BSN: variants seen among roughly 807,000 people sequenced by gnomAD.
The protein encoded by BSN is bassoon presynaptic cytomatrix protein.
A neutral mutation model predicts 264.8 loss-of-function variants in BSN; 57 were observed. The observed-to-expected ratio is 0.22, with a 90% CI of 0.17 to 0.27. The LOEUF (loss-of-function observed/expected upper bound fraction) is 0.27. Ranked by LOEUF, BSN falls within the 10% of genes least tolerant of loss-of-function variation. BSN has a pLI of 1.00. For synonymous variants in BSN, 2,059 were observed against 2,137.3 expected (o/e 0.96, Z 1.01); for missense variants, 4,615 against 5,232.5 (o/e 0.88, Z 3.64).
chr3:49,658,755 C>T (rs1229337106), intron 5 of BSN, among the ~76,000 whole-genome samples: 2 of 152,130 alleles, frequency 1.3e-5, no homozygotes, highest in Admixed American at 6.5e-5. Flanking sequence ...ACCTGGCCCT[C>T]GGTAAATCTG....
At position 49,652,506 on chromosome 3, in the gene BSN, C is replaced by T. The variant is rs1215279402; in HGVS notation, c.2950C>T (p.Pro984Ser). 5 of 1,613,786 alleles carry T rather than the reference C, an allele frequency of 3.1e-6. No individual in the cohort carries two copies. Among genetic ancestry groups the T allele is most frequent in the Non-Finnish European group, 4.2e-6 (5 of 1,180,014 alleles). The change falls in exon 5 of 12, where the codon CCT becomes TCT. Residue 984 changes from proline (P) to serine (S), a missense_variant. Transcript: ENST00000296452. ...RSRGEHSSTL[P>S]ASTPSYTSGT... Reference sequence around the variant, plus strand: ...CCGTGGTGAGCACTCCTCTACATTGCCTGCCTCCACACCCAGCTACACCTC... The same window carrying T: ...CCGTGGTGAGCACTCCTCTACATTGTCTGCCTCCACACCCAGCTACACCTC...
chr3:49,587,426 A>C (rs2051945063), intron 1 of BSN, among the ~76,000 whole-genome samples: 1 of 152,156 alleles, frequency 6.6e-6, no homozygotes, highest in South Asian at 2.1e-4. Flanking sequence ...GATTGGACTT[A>C]AGTACTGTTG....
rs769556907 is a variant in BSN, at chr3:49,654,706, A to G, written c.5150A>G (p.Asn1717Ser). The G allele has an allele frequency of 6.2e-7, 1 of 1,613,554 alleles. No individual in the cohort carries two copies. The highest frequency in any genetic ancestry group is 1.7e-5 in the Admixed American group (1 of 60,022). ...QSTAVQPLVI[N>S]LNAQEHTFLA... ...ACCGCCGTGCAGCCCTTGGTTATCA[A>G]CCTCAATGCCCAGGAGCATACCTTC... Residue 1717 changes from asparagine to serine, a missense_variant, in exon 5 of 12, where the codon AAC (asparagine) becomes AGC (serine). Asn to Ser is a conservative substitution (Grantham distance 46). Around this residue, in one of 3 missense-constraint regions of BSN, gnomAD observed 3,415 missense variants for 3,866.4 expected, o/e 0.88. Transcript: ENST00000296452. This position sits in a 1 kb window ranked among gnomAD's most constrained non-coding sequence, Gnocchi z 4.1.
intron 1 of BSN, among the ~76,000 whole-genome samples, chr3:49,609,210 A>G (rs1040999527): frequency 6.8e-6 from 1 of 147,390 alleles, no homozygotes; most frequent in African/African-American, 2.5e-5. Context: ...CAAGGGATCC[A>G]TTTGCCTCAG....
chr3:49,564,384 A>C (rs916227384), intron 1 of BSN, among the ~76,000 whole-genome samples: 3 of 152,208 alleles, frequency 2.0e-5, no homozygotes, highest in Non-Finnish European at 4.4e-5. Context: ...GGAGGCCTGC[A>C]TGAGTCTCTG....
At chr3:49,603,397 C>T (rs1454035642) in intron 1 of BSN, among the ~76,000 whole-genome samples, 1 of 152,166 alleles carries the variant, frequency 6.6e-6, no homozygotes, top group Non-Finnish European at 1.5e-5. Flanking sequence ...TTCTTTGGTT[C>T]CTGACTTCTT....
At chr3:49,574,241 T>C (rs1018375454) in intron 1 of BSN, among the ~76,000 whole-genome samples, 3 of 150,524 alleles carry the variant, frequency 2.0e-5, no homozygotes, top group African/African-American at 7.3e-5. Flanking sequence ...GTTTTGGGAT[T>C]ATAGGCGTGA....
intron 1 of BSN, among the ~76,000 whole-genome samples, chr3:49,606,700 C>T (rs983050378): frequency 6.6e-6 from 1 of 152,080 alleles, no homozygotes; most frequent in African/African-American, 2.4e-5. Context: ...GTATTTGGAT[C>T]TGTATTCACA....
intron 1 of BSN, among the ~76,000 whole-genome samples, chr3:49,620,933 T>G (rs2052300720): frequency 6.6e-6 from 1 of 151,650 alleles, no homozygotes. Flanking sequence ...AGAAGGAGAC[T>G]CACACACACA....
chr3:49,657,491 C>G lies in BSN; in HGVS notation c.7935C>G (p.His2645Gln). The change falls in exon 5 of 12, where the codon CAC (histidine) becomes CAG (glutamine). Residue 2645 changes from histidine to glutamine, a missense_variant. By Grantham distance (24) the His-to-Gln change is conservative. This residue lies in a region of BSN where 3,415 missense variants were observed against 3,866.4 expected (regional missense o/e 0.88). Transcript: ENST00000296452. ...CAGACTCAGGCTCTGACAGCAAGCA[C>G]GATGCCACTGCCTCATCATCCAGTG... ...RHSDSGSDSKHDATASSSSAA... is the reference protein window; with the variant it reads ...RHSDSGSDSKQDATASSSSAA... 2 of 1,613,190 alleles carry G rather than the reference C, an allele frequency of 1.2e-6. No individual in the cohort carries two copies. The highest frequency in any genetic ancestry group is 1.7e-6 in the Non-Finnish European group (2 of 1,179,982).
At chr3:49,605,929 ATCT>A (rs200652144) in intron 1 of BSN, among the ~76,000 whole-genome samples, 43,995 of 70,664 alleles carry the variant, frequency 0.62, 12,212 homozygotes, top group East Asian at 0.94. Flanking sequence ...TAGATATAAA[ATCT>A]ATTTATATAT....
chr3:49,574,768 C>T (rs560544688), intron 1 of BSN, among the ~76,000 whole-genome samples: 1 of 150,878 alleles, frequency 6.6e-6, no homozygotes, highest in Non-Finnish European at 1.5e-5. Flanking sequence ...GTAGCTGGGA[C>T]TACAGGCGTG....
At chr3:49,578,378 A>C (rs1388115926) in intron 1 of BSN, among the ~76,000 whole-genome samples, 1 of 150,746 alleles carries the variant, frequency 6.6e-6, no homozygotes, top group African/African-American at 2.4e-5. Context: ...AATGGTTTTT[A>C]GTGCACTTAG....
Position 49,670,518 on chromosome 3 carries a change from G to C in BSN, c.*3033G>C, listed in dbSNP as rs2052747312. On this transcript the variant is annotated 3_prime_UTR_variant, in exon 12 of 12. Transcript: ENST00000296452. ...TGAAGGTGGCTGGAGCAGGCCTCTG[G>C]TCCATGGACTGTCCTTCCTGGCCCT... The C allele has an allele frequency of 1.3e-5, 2 of 152,282 alleles. No homozygotes were observed. Among genetic ancestry groups the C allele is most frequent in the South Asian group, 4.1e-4 (2 of 4,838 alleles). The allele number at this position is 152,282 out of a possible 1,614,324, so 9.4% of individuals were successfully genotyped here.
At position 49,652,067 on chromosome 3, in the gene BSN, G is replaced by A. The variant is rs1250740410; in HGVS notation, c.2511G>A (p.Leu837=). 5 of 1,610,050 alleles carry A rather than the reference G, an allele frequency of 3.1e-6. No homozygotes were observed. In the Admixed American group the frequency reaches 5.0e-5, roughly 16 times the overall value. Residue 837 remains leucine, a synonymous_variant, in exon 5 of 12, where the codon CTG becomes CTA. Coordinates refer to ENST00000296452, the MANE Select transcript of BSN (RefSeq NM_003458.4). ...AGCCCCCAGCCCGGGCAGCAGAACT[G>A]ACTGATGAGGATTTCATGCGACGGC... ...PPQPPARAAE[L]TDEDFMRRQI...
chr3:49,554,916 C>T lies in BSN; in HGVS notation c.224+90C>T, dbSNP rs573873265. ...GGATCCCGCGATCTAGTGTGGACAG[C>T]GAGGTTCGACGTCCGGCCGCACTCT... On this transcript the variant is annotated intron_variant, in intron 1 of 11. Coordinates refer to ENST00000296452, the MANE Select transcript of BSN (RefSeq NM_003458.4). 2.5e-4 allele frequency: 189 copies of T among 762,276 alleles called. No individual in the cohort carries two copies. In the Middle Eastern group the frequency reaches 7.5e-3, roughly 30 times the overall value. The allele number at this position is 762,276 out of a possible 1,614,324, so 47.2% of individuals were successfully genotyped here. A position where few individuals can be genotyped will look rare whatever the true frequency, so the allele number is the denominator to read the frequency against.
intron 1 of BSN, among the ~76,000 whole-genome samples, chr3:49,589,195 A>C (rs1364037762): frequency 4.7e-5 from 7 of 149,892 alleles, no homozygotes; most frequent in Non-Finnish European, 1.5e-5. Context: ...TACAGGCGTG[A>C]GCCACCGCGC....
In BSN at chr3:49,655,949, C is replaced by T. The variant is rs1451442043; in HGVS notation, c.6393C>T (p.His2131=). 5 of 1,610,760 alleles carry T rather than the reference C, an allele frequency of 3.1e-6. No individual in the cohort carries two copies. The highest frequency in any genetic ancestry group is 3.4e-6 in the Non-Finnish European group (4 of 1,179,756). ...ACCTTGTGCAGTACCAGCCCCAGCA[C>T]GGGCCCGGGCTCAGTGCTCCACAGA... ...GPDLVQYQPQ[H]GPGLSAPQSL... Residue 2131 remains histidine (H), a synonymous_variant, in exon 5 of 12, where the codon CAC becomes CAT. Coordinates refer to ENST00000296452, the MANE Select transcript of BSN (RefSeq NM_003458.4).
At chr3:49,606,644 G>A (rs2052154889) in intron 1 of BSN, among the ~76,000 whole-genome samples, 1 of 151,860 alleles carries the variant, frequency 6.6e-6, no homozygotes, top group Non-Finnish European at 1.5e-5. Context: ...CACTTGTGGT[G>A]CTCTGGCCAC....
Sources: gnomAD v4.1 joint callset for allele counts (sites outside exome capture counted in the v4.1 genomes callset) on GRCh38, gnomAD v4.1.1 for gene constraint, gnomAD v4.1.1 regional missense constraint, Gnocchi (gnomAD v3.1) non-coding constraint, MANE v1.5 for transcripts, NCBI Gene and HGNC (gene_info 2026-07-23, HGNC 2026-07-21) for gene names.